The following CAMK4 variants were observed in gnomAD, a reference collection of about 807,000 sequenced individuals.
CAMK4 encodes calcium/calmodulin dependent protein kinase IV.
CAMK4 carries 22 observed loss-of-function variants against 44.9 expected under a neutral mutation model. The ratio of observed to expected loss-of-function variants is 0.49; its 90% CI spans 0.35 to 0.70. CAMK4 has a LOEUF of 0.70. Ranked by LOEUF, CAMK4 falls within the 30% of genes least tolerant of loss-of-function variation. CAMK4 has a pLI of 0.01. For synonymous variants in CAMK4, 218 were observed against 215.4 expected (o/e 1.01, Z -0.11); for missense variants, 498 against 586.8 (o/e 0.85, Z 1.56).
At chr5:111,473,630 C>T (rs2112488240) in intron 8 of CAMK4, among the ~76,000 whole-genome samples, 1 of 152,278 alleles carries the variant, frequency 6.6e-6, no homozygotes, top group Non-Finnish European at 1.5e-5. Flanking sequence ...ATGTAATATA[C>T]AGCAGATTTA....
chr5:111,230,076 C>T (rs1748394004), intron 1 of CAMK4, among the ~76,000 whole-genome samples: 1 of 152,088 alleles, frequency 6.6e-6, no homozygotes, highest in Non-Finnish European at 1.5e-5. Context: ...GGTCTTGGTC[C>T]TGATGTCGTA....
chr5:111,228,787 A>C (rs1748325245), intron 1 of CAMK4, among the ~76,000 whole-genome samples: 1 of 152,204 alleles, frequency 6.6e-6, no homozygotes, highest in South Asian at 2.1e-4. Flanking sequence ...AATTCCCTGC[A>C]GACCAATTGG....
intron 5 of CAMK4, among the ~76,000 whole-genome samples, chr5:111,421,963 C>A (rs1753048238): frequency 6.6e-6 from 1 of 152,186 alleles, no homozygotes; most frequent in Admixed American, 6.5e-5. Context: ...GTAAGATGTG[C>A]CTTTGTTCTT....
At chr5:111,473,657 T>C (rs1290461384) in intron 8 of CAMK4, among the ~76,000 whole-genome samples, 1 of 152,218 alleles carries the variant, frequency 6.6e-6, no homozygotes, top group East Asian at 1.9e-4. Context: ...AGTTTATTAC[T>C]TGACACTAGT....
intron 1 of CAMK4, among the ~76,000 whole-genome samples, chr5:111,283,228 C>G (rs1054351061): frequency 6.6e-6 from 1 of 152,108 alleles, no homozygotes; most frequent in East Asian, 1.9e-4. Context: ...AAACAAAAAC[C>G]ATTACCAGTT....
Position 111,228,509 on chromosome 5 carries a change from GGTGT to G in CAMK4, c.161+3900_161+3903del, listed in dbSNP as rs373248608. On this transcript the variant is annotated intron_variant, in intron 1 of 10. Transcript: ENST00000282356. The stretch of plus-strand genomic sequence containing the variant: ...AACCAAATAGATTTCCATAGTAAGG[GGTGT>G]GTGTGTGTGTGTGTGTGTGTGTGTG... 1.0e-3 allele frequency among the ~76,000 whole-genome samples: 150 copies of G among 145,346 alleles called. 1 individual carries two copies. The highest frequency in any genetic ancestry group is 4.4e-3 in the East Asian group (22 of 4,982).
intron 1 of CAMK4, among the ~76,000 whole-genome samples, chr5:111,305,121 C>G (rs1747874934): frequency 8.4e-6 from 1 of 118,472 alleles, no homozygotes; most frequent in East Asian, 2.5e-4. Flanking sequence ...ATTTATAGCA[C>G]TAAACGCCTA....
chr5:111,392,619 T>C (rs1751842750), intron 4 of CAMK4, among the ~76,000 whole-genome samples: 1 of 152,054 alleles, frequency 6.6e-6, no homozygotes, highest in South Asian at 2.1e-4. Flanking sequence ...GAAAAGCACA[T>C]AAAATGGACC....
chr5:111,480,721 T>A (rs1279354039), intron 9 of CAMK4, among the ~76,000 whole-genome samples: 1 of 152,126 alleles, frequency 6.6e-6, no homozygotes, highest in Admixed American at 6.6e-5. Context: ...ATTGTACCTA[T>A]CTCTAGGTCG....
rs891933719 is a variant in CAMK4 at position 111,485,414 on chromosome 5, C to G, written c.*948C>G. ...CCAAGTTGCAAATATTTAGAAAATT[C>G]TATTTCACAGGTTAGTGCCAAAATG... On this transcript the variant is annotated 3_prime_UTR_variant, in exon 11 of 11. Transcript: ENST00000282356. 1 of 152,054 alleles carries G rather than the reference C, an allele frequency of 6.6e-6. No homozygotes were observed. Among genetic ancestry groups the G allele is most frequent in the African/African-American group, 2.4e-5 (1 of 41,418 alleles). 9.4% of individuals were successfully genotyped at this position (152,054 alleles called of 1,614,324 possible).
intron 5 of CAMK4, among the ~76,000 whole-genome samples, chr5:111,442,517 CATAT>C (rs58032491): frequency 0.32 from 45,507 of 141,736 alleles, 7,352 homozygotes; most frequent in Non-Finnish European, 0.34. Flanking sequence ...AAAACCAAAA[CATAT>C]ATATATATAT....
intron 5 of CAMK4, among the ~76,000 whole-genome samples, chr5:111,431,346 A>G (rs1459379492): frequency 6.6e-6 from 1 of 152,196 alleles, no homozygotes; most frequent in African/African-American, 2.4e-5. Context: ...GTCTTGCTGT[A>G]TACAAAAATT....
At chr5:111,448,404 G>T (rs1754104465) in intron 6 of CAMK4, among the ~76,000 whole-genome samples, 1 of 152,148 alleles carries the variant, frequency 6.6e-6, no homozygotes. Context: ...ATAAATTGAA[G>T]ATTCTGGATT....
At chr5:111,324,274 T>C (rs1437106539) in intron 1 of CAMK4, among the ~76,000 whole-genome samples, 1 of 151,884 alleles carries the variant, frequency 6.6e-6, no homozygotes, top group Non-Finnish European at 1.5e-5. Flanking sequence ...GATTGATACA[T>C]TGAAAGAAGT....
intron 1 of CAMK4, among the ~76,000 whole-genome samples, chr5:111,335,704 T>C (rs927169205): frequency 6.6e-6 from 1 of 151,272 alleles, no homozygotes; most frequent in African/African-American, 2.4e-5. Flanking sequence ...TCTGGAGCCT[T>C]CCCCTCCATC....
intron 2 of CAMK4, among the ~76,000 whole-genome samples, chr5:111,353,307 C>T (rs894934088): frequency 3.8e-4 from 58 of 151,974 alleles, no homozygotes; most frequent in Non-Finnish European, 6.6e-4. Context: ...CCACAACCAC[C>T]GAGATAGTAA....
At chr5:111,415,804 C>G (rs796462185) in intron 5 of CAMK4, among the ~76,000 whole-genome samples, 1 of 151,778 alleles carries the variant, frequency 6.6e-6, no homozygotes, top group Non-Finnish European at 1.5e-5. Context: ...TCAACCTTGG[C>G]TCAAAAATAT....
intron 1 of CAMK4, among the ~76,000 whole-genome samples, chr5:111,241,752 A>C (rs1458582103): frequency 6.6e-6 from 1 of 152,222 alleles, no homozygotes; most frequent in Non-Finnish European, 1.5e-5. Flanking sequence ...ATCTTGTGAA[A>C]ATATACTACT....
intron 1 of CAMK4, among the ~76,000 whole-genome samples, chr5:111,296,820 A>C (rs1316897951): frequency 1.3e-5 from 2 of 152,242 alleles, no homozygotes; most frequent in Non-Finnish European, 2.9e-5. Context: ...CTTCTGATTC[A>C]GTAGCAGCAG....
Sources: gnomAD v4.1 joint callset for allele counts (sites outside exome capture counted in the v4.1 genomes callset) on GRCh38, gnomAD v4.1.1 for gene constraint, MANE v1.5 for transcripts, NCBI Gene and HGNC (gene_info 2026-07-23, HGNC 2026-07-21) for gene names.